The following PIP4K2A variants were observed in gnomAD, a reference collection of about 807,000 sequenced individuals.
PIP4K2A encodes the protein phosphatidylinositol-5-phosphate 4-kinase type 2 alpha.
PIP4K2A carries 14 observed loss-of-function variants against 42.9 expected under a neutral mutation model. The observed-to-expected ratio is 0.33, with a 90% CI of 0.22 to 0.51. The LOEUF is 0.51. Among genes scored for constraint, PIP4K2A ranks in the 20% least tolerant of loss-of-function variants. PIP4K2A has a pLI of 0.97. For missense variants in PIP4K2A, 434 were observed against 519.8 expected (o/e 0.83, Z 1.61); for synonymous variants, 192 against 192.2 (o/e 1.00, Z 0.01).
chr10:22,609,653 G>A lies in PIP4K2A; in HGVS notation c.209C>T (p.Ser70Leu). Reference protein sequence around the residue: ...MLMPDDFKAYSKIKVDNHLFN... With the variant: ...MLMPDDFKAYLKIKVDNHLFN... ...AAGGTGATTGTCCACCTTTATTTTTGAATAGGCTTTGAAGTCATCTGGCAT... is the reference window on the plus strand; with the variant it reads ...AAGGTGATTGTCCACCTTTATTTTTAAATAGGCTTTGAAGTCATCTGGCAT... Residue 70 changes from serine (S) to leucine (L), a missense_variant, in exon 2 of 10, where the codon TCA becomes TTA. Transcript: ENST00000376573. The A allele has an allele frequency of 6.2e-7, 1 of 1,606,906 alleles. No individual in the cohort carries two copies. The highest frequency in any genetic ancestry group is 8.5e-7 in the Non-Finnish European group (1 of 1,174,024).
At chr10:22,603,527 T>G (rs953446407) in intron 3 of PIP4K2A, among the ~76,000 whole-genome samples, 1 of 152,070 alleles carries the variant, frequency 6.6e-6, no homozygotes, top group South Asian at 2.1e-4. Flanking sequence ...ATGAAGAACA[T>G]TACAAATCAA....
In PIP4K2A at chr10:22,550,761, C is replaced by G; in HGVS notation, c.690G>C (p.Leu230=). 1 of 1,594,032 alleles carries G rather than the reference C, an allele frequency of 6.3e-7. No homozygotes were observed. The highest frequency in any genetic ancestry group is 8.6e-7 in the Non-Finnish European group (1 of 1,161,786). Residue 230 remains leucine (L), a synonymous_variant, in exon 7 of 10, where the codon CTG becomes CTC. Transcript: ENST00000376573. ...TGAAATCATTATCTTTCAGAGTTGG[C>G]AGTTCTTTGGCCTAAAACAAATGAG... is the stretch of plus-strand genomic sequence containing the variant. The part of the protein sequence containing the change: ...EASDKEKAKE[L]PTLKDNDFIN...
rs1431419777 is a variant in PIP4K2A at position 22,552,064 on chromosome 10, A to G, written c.679-1292T>C. Reference sequence around the variant, plus strand: ...TTGCAACTTTGAATTAGATATAACCACAATCTTTATAAGCCAAACAGAATT... The same window carrying G: ...TTGCAACTTTGAATTAGATATAACCGCAATCTTTATAAGCCAAACAGAATT... On this transcript the variant is annotated intron_variant, in intron 6 of 9. Coordinates refer to ENST00000376573, the MANE Select transcript of PIP4K2A (RefSeq NM_005028.5). Among the ~76,000 whole-genome samples, 5 of 152,326 alleles carry G rather than the reference A, an allele frequency of 3.3e-5. No individual in the cohort carries two copies. In the East Asian group the frequency reaches 9.6e-4, roughly 29 times the overall value.
chr10:22,652,572 G>A (rs890562625), intron 1 of PIP4K2A, among the ~76,000 whole-genome samples: 1 of 152,158 alleles, frequency 6.6e-6, no homozygotes, highest in African/African-American at 2.4e-5. Context: ...CAAAGTACCT[G>A]TAATTATCTA....
At chr10:22,698,530 T>C (rs1840013272) in intron 1 of PIP4K2A, among the ~76,000 whole-genome samples, 1 of 152,234 alleles carries the variant, frequency 6.6e-6, no homozygotes, top group Admixed American at 6.5e-5. Flanking sequence ...ACATTATTTG[T>C]GGTGGCAAAA....
intron 4 of PIP4K2A, among the ~76,000 whole-genome samples, chr10:22,579,926 A>G (rs1837223418): frequency 6.6e-6 from 1 of 151,748 alleles, no homozygotes; most frequent in African/African-American, 2.4e-5. Context: ...AAAAAAGAAA[A>G]AAGAAAAAAG....
intron 1 of PIP4K2A, among the ~76,000 whole-genome samples, chr10:22,665,605 CTTTTTTTT>C (rs34262297): frequency 0.093 from 10,639 of 115,010 alleles, 714 homozygotes; most frequent in African/African-American, 0.21. Context: ...CCACACCTGG[CTTTTTTTT>C]TTTTTTTTTT....
chr10:22,685,320 A>G (rs1839742042), intron 1 of PIP4K2A, among the ~76,000 whole-genome samples: 1 of 152,202 alleles, frequency 6.6e-6, no homozygotes, highest in South Asian at 2.1e-4. Flanking sequence ...AATACTAAAA[A>G]ATTTCAGAAG....
At position 22,552,229 on chromosome 10, in the gene PIP4K2A, G is replaced by C. The variant is rs558919060; in HGVS notation, c.679-1457C>G. Among the ~76,000 whole-genome samples the C allele has an allele frequency of 1.1e-4, 17 of 152,280 alleles. No individual in the cohort carries two copies. In the South Asian group the frequency reaches 3.1e-3, roughly 28 times the overall value. On this transcript the variant is annotated intron_variant, in intron 6 of 9. Transcript: ENST00000376573. ...TGTAAAGGAGTTTGTAATCTCGTAC[G>C]GGAGAATGATATGAAAGCACGTAGG...
At chr10:22,645,911 G>A (rs142964522) in intron 1 of PIP4K2A, among the ~76,000 whole-genome samples, 234 of 151,900 alleles carry the variant, frequency 1.5e-3, no homozygotes, top group African/African-American at 5.3e-3. Flanking sequence ...TTGTAGAGAC[G>A]GGGTCTCCCT....
intron 1 of PIP4K2A, among the ~76,000 whole-genome samples, chr10:22,618,505 C>A (rs1015869838): frequency 6.6e-6 from 1 of 152,188 alleles, no homozygotes; most frequent in African/African-American, 2.4e-5. Context: ...AAGGGCCCTG[C>A]AGTTGTGATC....
chr10:22,650,025 G>T (rs1292538772), intron 1 of PIP4K2A, among the ~76,000 whole-genome samples: 1 of 152,068 alleles, frequency 6.6e-6, no homozygotes, highest in East Asian at 1.9e-4. Context: ...TTGGGGACAG[G>T]GACTGTGTAT....
intron 1 of PIP4K2A, among the ~76,000 whole-genome samples, chr10:22,681,157 T>C (rs1446185165): frequency 6.6e-6 from 1 of 152,168 alleles, no homozygotes; most frequent in East Asian, 1.9e-4. Context: ...AGCATAAAAG[T>C]GTCTTGCTTT....
chr10:22,535,937 A>G lies in PIP4K2A; in HGVS notation c.*1264T>C. Reference sequence around the variant, plus strand: ...TATTGTGAAAGACTGTCTACCATGTACTTTGACTAAAACACTCACGTAAAA... The same window carrying G: ...TATTGTGAAAGACTGTCTACCATGTGCTTTGACTAAAACACTCACGTAAAA... On this transcript the variant is annotated 3_prime_UTR_variant, in exon 10 of 10. Coordinates refer to ENST00000376573, the MANE Select transcript of PIP4K2A (RefSeq NM_005028.5). 1 of 393,778 alleles carries G rather than the reference A, an allele frequency of 2.5e-6. No individual in the cohort carries two copies. Among genetic ancestry groups the G allele is most frequent in the Non-Finnish European group, 4.5e-6 (1 of 223,370 alleles). 24.4% of individuals were successfully genotyped at this position (393,778 alleles called of 1,614,324 possible).
intron 1 of PIP4K2A, among the ~76,000 whole-genome samples, chr10:22,675,470 C>T (rs1021008866): frequency 1.3e-5 from 2 of 152,040 alleles, no homozygotes; most frequent in South Asian, 2.1e-4. Flanking sequence ...CCTGTAATCC[C>T]AGCTACTCAG....
chr10:22,617,643 T>G (rs1236254694), intron 1 of PIP4K2A, among the ~76,000 whole-genome samples: 1 of 152,136 alleles, frequency 6.6e-6, no homozygotes, highest in Non-Finnish European at 1.5e-5. Flanking sequence ...CCCTACAAAT[T>G]ATGACATATT....
intron 4 of PIP4K2A, among the ~76,000 whole-genome samples, chr10:22,576,376 T>C (rs748353872): frequency 6.6e-6 from 1 of 152,192 alleles, no homozygotes; most frequent in Non-Finnish European, 1.5e-5. Flanking sequence ...ATTCTCCCAG[T>C]TGACCCAGAG....
rs1018442449 is a variant in PIP4K2A, at chr10:22,536,355, T to A, written c.*846A>T. On this transcript the variant is annotated 3_prime_UTR_variant, in exon 10 of 10. Coordinates refer to ENST00000376573, the MANE Select transcript of PIP4K2A (RefSeq NM_005028.5). ...TATATTGCAACGTAAGGGTGAACAA[T>A]GAAGGCTCCAGGCAAGAAAAGAGAA... 1 of 306,420 alleles carries A rather than the reference T, an allele frequency of 3.3e-6. No homozygotes were observed. The highest frequency in any genetic ancestry group is 3.4e-5 in the African/African-American group (1 of 29,018). The allele number at this position is 306,420 out of a possible 1,614,324, so 19.0% of individuals were successfully genotyped here.
intron 1 of PIP4K2A, among the ~76,000 whole-genome samples, chr10:22,711,213 T>C (rs950396484): frequency 1.3e-5 from 2 of 152,190 alleles, no homozygotes; most frequent in Non-Finnish European, 2.9e-5. Context: ...ATTGCCCAAA[T>C]CAAGATTTTC....
Sources: allele counts gnomAD v4.1 joint callset (sites outside exome capture counted in the v4.1 genomes callset), GRCh38; gene constraint gnomAD v4.1.1; transcripts MANE v1.5; gene names NCBI Gene and HGNC (gene_info 2026-07-23, HGNC 2026-07-21).